The following RAD51B variants were observed in gnomAD, a reference collection of about 807,000 sequenced individuals.
RAD51B encodes the protein RAD51 paralog B.
RAD51B carries 38 observed loss-of-function variants against 42.2 expected under a neutral mutation model. The ratio of observed to expected loss-of-function variants is 0.90; its 90% CI spans 0.70 to 1.18. RAD51B has a LOEUF of 1.18. RAD51B is among the 50% of genes most tolerant of loss of function. The probability of loss-of-function intolerance (pLI) is 0.00; values close to 1 mark genes in which losing one functional copy is unlikely to be tolerated. For missense variants in RAD51B, 373 were observed against 400.7 expected (o/e 0.93, Z 0.59); for synonymous variants, 154 against 145.2 (o/e 1.06, Z -0.43).
intron 10 of RAD51B, among the ~76,000 whole-genome samples, chr14:68,508,708 G>A (rs1396015493): frequency 6.6e-6 from 1 of 152,188 alleles, no homozygotes; most frequent in Non-Finnish European, 1.5e-5. Flanking sequence ...GGTGTCATCA[G>A]TTTACCTGCC....
chr14:67,992,426 G>A (rs772725927), intron 7 of RAD51B, among the ~76,000 whole-genome samples: 4 of 152,156 alleles, frequency 2.6e-5, no homozygotes, highest in Non-Finnish European at 5.9e-5. Context: ...GTTAAGTAGT[G>A]AATTTTCCAG....
At chr14:68,168,718 A>G (rs1427076626) in intron 7 of RAD51B, among the ~76,000 whole-genome samples, 1 of 152,198 alleles carries the variant, frequency 6.6e-6, no homozygotes, top group Non-Finnish European at 1.5e-5. Context: ...AGTTCACTGG[A>G]TAAGGTCACA....
At chr14:68,091,449 C>G (rs1324787436) in intron 7 of RAD51B, among the ~76,000 whole-genome samples, 6 of 152,132 alleles carry the variant, frequency 3.9e-5, no homozygotes, top group Non-Finnish European at 7.3e-5. Flanking sequence ...TCTCTGATGG[C>G]CAATGATGAT....
At chr14:68,671,612 C>T (rs546107522) in intron 11 of RAD51B, among the ~76,000 whole-genome samples, 17 of 152,228 alleles carry the variant, frequency 1.1e-4, no homozygotes, top group African/African-American at 4.1e-4. Flanking sequence ...AACATTGCCC[C>T]TCCTGTGCTC....
chr14:68,650,930 T>C (rs1744217244), intron 11 of RAD51B: 5 of 667,240 alleles, frequency 7.5e-6, no homozygotes, highest in Non-Finnish European at 1.4e-5. Flanking sequence ...CAGAAAATGA[T>C]ATAAAGTAGA....
At chr14:68,468,523 C>G in intron 10 of RAD51B, 1 of 456,070 alleles carries the variant, frequency 2.2e-6, no homozygotes, top group South Asian at 2.0e-5. Context: ...CAAGAAAGCT[C>G]GGAATTGCTA....
At chr14:68,303,381 A>G (rs2081787355) in intron 8 of RAD51B, among the ~76,000 whole-genome samples, 1 of 151,926 alleles carries the variant, frequency 6.6e-6, no homozygotes, top group Admixed American at 6.6e-5. Flanking sequence ...CGGGTGCAGC[A>G]AACCACCATG....
At chr14:68,395,611 T>C (rs1022049942) in intron 8 of RAD51B, among the ~76,000 whole-genome samples, 1 of 152,192 alleles carries the variant, frequency 6.6e-6, no homozygotes, top group Non-Finnish European at 1.5e-5. Context: ...AATGTTGTTG[T>C]TGTGCTGTTT....
intron 8 of RAD51B, among the ~76,000 whole-genome samples, chr14:68,338,285 C>T (rs1193860996): frequency 6.6e-6 from 1 of 151,778 alleles, no homozygotes; most frequent in African/African-American, 2.4e-5. Context: ...CCAGGTGTAG[C>T]TCTCTGTCTG....
intron 10 of RAD51B, among the ~76,000 whole-genome samples, chr14:68,501,681 T>C (rs1884928276): frequency 1.3e-5 from 2 of 152,362 alleles, no homozygotes; most frequent in Middle Eastern, 3.4e-3. Context: ...CCGTTGGAAA[T>C]AATGGGCCAG....
At chr14:68,471,893 C>T (rs1308394805) in intron 10 of RAD51B, 1 of 154,048 alleles carries the variant, frequency 6.5e-6, no homozygotes, top group Non-Finnish European at 1.4e-5. Flanking sequence ...CTCACAGCCA[C>T]CAGTTTCCTG....
At chr14:67,920,403 AT>A (rs577157562) in intron 7 of RAD51B, among the ~76,000 whole-genome samples, 14 of 151,928 alleles carry the variant, frequency 9.2e-5, no homozygotes, top group South Asian at 6.2e-4. Flanking sequence ...TCATCTTTGC[AT>A]TTTTTTCTTT....
chr14:68,283,673 C>T (rs1043733687), intron 7 of RAD51B, among the ~76,000 whole-genome samples: 11 of 152,164 alleles, frequency 7.2e-5, no homozygotes, highest in African/African-American at 2.2e-4. Flanking sequence ...TTACAACTGC[C>T]GGCCCCATCT....
chr14:68,490,034 G>T (rs983471751), intron 10 of RAD51B, among the ~76,000 whole-genome samples: 1 of 152,156 alleles, frequency 6.6e-6, no homozygotes, highest in African/African-American at 2.4e-5. Flanking sequence ...GCTGAGAGCC[G>T]TAACTACCGC....
chr14:68,095,101 A>G (rs2077169292), intron 7 of RAD51B, among the ~76,000 whole-genome samples: 1 of 152,214 alleles, frequency 6.6e-6, no homozygotes, highest in Admixed American at 6.5e-5. Context: ...GCATAGGTTT[A>G]TAATTAAGTA....
At chr14:68,351,406 A>G (rs758963436) in intron 8 of RAD51B, among the ~76,000 whole-genome samples, 6 of 152,154 alleles carry the variant, frequency 3.9e-5, no homozygotes, top group African/African-American at 1.4e-4. Flanking sequence ...TCTTTATTCA[A>G]TAATTATTTG....
At chr14:67,850,086 C>T (rs1272049080) in intron 4 of RAD51B, among the ~76,000 whole-genome samples, 1 of 152,176 alleles carries the variant, frequency 6.6e-6, no homozygotes, top group Non-Finnish European at 1.5e-5. Flanking sequence ...GCCTCGACCT[C>T]CCAGGCTGAA....
In RAD51B at chr14:68,487,709, A is replaced by G. The variant is rs149586190; in HGVS notation, c.1036+19459A>G. Among the ~76,000 whole-genome samples the G allele has an allele frequency of 1.1e-4, 17 of 152,182 alleles. No individual in the cohort carries two copies. The East Asian group carries it at 2.5e-3, about 22-fold the overall frequency. On this transcript the variant is annotated intron_variant, in intron 10 of 10. Coordinates refer to the RAD51B transcript ENST00000487270. ...TTTTTAGTAAAGATGGGGTTTTGCA[A>G]TGTTAGCCAGGCTGGTCTTGAACTC...
intron 7 of RAD51B, among the ~76,000 whole-genome samples, chr14:68,012,213 AGT>A (rs2075695746): frequency 6.6e-6 from 1 of 152,142 alleles, no homozygotes; most frequent in African/African-American, 2.4e-5. Context: ...AGAGCAAGAA[AGT>A]GTGTTTTCTT....
Sources: gnomAD v4.1 joint callset for allele counts (sites outside exome capture counted in the v4.1 genomes callset) on GRCh38, gnomAD v4.1.1 for gene constraint, MANE v1.5 for transcripts, NCBI Gene and HGNC (gene_info 2026-07-23, HGNC 2026-07-21) for gene names.